Variants in MYL10 observed in about 807,000 individuals in gnomAD.
The protein encoded by MYL10 is myosin light chain 10, also known as myosin regulatory light chain 10.
In MYL10, 18 loss-of-function variants were observed where a neutral mutation model predicts 21.9. That is an observed-to-expected ratio of 0.82 (90% CI 0.57 to 1.22). MYL10 has a LOEUF of 1.22. Ranked by LOEUF, MYL10 falls within the 50% of genes most tolerant of loss-of-function variation. The pLI, the probability that MYL10 is intolerant of heterozygous loss-of-function variation, is 0.00. For missense variants in MYL10, 225 were observed against 230.4 expected, an observed-to-expected ratio of 0.98 and a Z score of 0.15; for synonymous variants, 88 against 82.8, an observed-to-expected ratio of 1.06 and a Z score of -0.34.
In MYL10 at chr7:101,615,600, C is replaced by CG. The variant is rs201968851; in HGVS notation, c.533+619_533+620insC. ...TCCCTCATCTAGAATGCTGTTCCCCCCCTAGCCTGGGCAACCTGCAGTCAT... is the reference window on the plus strand; with the variant it reads ...TCCCTCATCTAGAATGCTGTTCCCCCGCCTAGCCTGGGCAACCTGCAGTCAT... On this transcript the variant is annotated intron_variant, in intron 6 of 7. Transcript: ENST00000223167. Among the ~76,000 whole-genome samples the CG allele has an allele frequency of 2.7e-5, 4 of 147,248 alleles. No individual in the cohort carries two copies. In the South Asian group the frequency reaches 7.0e-4, roughly 26 times the overall value.
At chr7:101,615,871 T>C (rs554357252) in intron 6 of MYL10, among the ~76,000 whole-genome samples, 73 of 151,828 alleles carry the variant, frequency 4.8e-4, no homozygotes, top group Non-Finnish European at 6.6e-4. Flanking sequence ...ATTTTTTTTA[T>C]TATTTTCAGT....
chr7:101,616,386 G>T, intron 5 of MYL10, 88 bp from the exon 6 acceptor site: 1 of 1,046,932 alleles, frequency 9.6e-7, no homozygotes, highest in Non-Finnish European at 1.5e-6. Flanking sequence ...GGCTGGGGCT[G>T]GGGGCAAGTC....
In MYL10 at chr7:101,613,480, C is replaced by A. The variant is rs761923992; in HGVS notation, c.676G>T (p.Asp226Tyr). Residue 226 changes from aspartate to tyrosine, a missense_variant, in exon 8 of 8, where the codon GAT (aspartate) becomes TAT (tyrosine). Coordinates refer to ENST00000223167, the MANE Select transcript of MYL10 (RefSeq NM_138403.5). The part of the protein sequence containing the change: ...CYVITHGEEK[D>Y] Reference sequence around the variant, plus strand: ...TCGGGGAGACTTGTGATCCCCTAATCCTTCTCTTCACCGTGAGTGATGACG... The same window carrying A: ...TCGGGGAGACTTGTGATCCCCTAATACTTCTCTTCACCGTGAGTGATGACG... 1 of 1,613,870 alleles carries A rather than the reference C, an allele frequency of 6.2e-7. No homozygotes were observed. Among genetic ancestry groups the A allele is most frequent in the Non-Finnish European group, 8.5e-7 (1 of 1,179,728 alleles).
chr7:101,614,761 T>A (rs1584536022), intron 6 of MYL10, among the ~76,000 whole-genome samples: 1 of 152,290 alleles, frequency 6.6e-6, no homozygotes, highest in East Asian at 1.9e-4. Context: ...GTTGAGAATG[T>A]GTGAGACGGG....
intron 5 of MYL10, among the ~76,000 whole-genome samples, chr7:101,618,634 G>A (rs1023942792): frequency 9.9e-5 from 15 of 152,156 alleles, no homozygotes; most frequent in Admixed American, 6.5e-4. Context: ...TCCCATCATC[G>A]TTGGGAATCT....
chr7:101,627,137 C>CA (rs757508495), intron 1 of MYL10, among the ~76,000 whole-genome samples: 5,371 of 133,912 alleles, frequency 0.04, 175 homozygotes, highest in East Asian at 0.11. Flanking sequence ...ACCAAAAATA[C>CA]AAAAAAAAAA....
rs999875208 is a variant in MYL10 at position 101,617,887 on chromosome 7, G to A, written c.455-1589C>T. ...TTCTGTGCCTCTTCCATCAGACTGG[G>A]TCAGAGCCAAGTGTGCTTCCCCCCT... On this transcript the variant is annotated intron_variant, in intron 5 of 7. Transcript: ENST00000223167. 4.8e-5 allele frequency among the ~76,000 whole-genome samples: 7 copies of A among 146,644 alleles called. No homozygotes were observed. In the East Asian group the frequency reaches 7.4e-4, roughly 16 times the overall value.
At chr7:101,621,222 C>T (rs1157228304) in intron 5 of MYL10, among the ~76,000 whole-genome samples, 2 of 152,074 alleles carry the variant, frequency 1.3e-5, no homozygotes, top group East Asian at 1.9e-4. Context: ...GTGTCTCGGG[C>T]GGGTACAGTG....
Position 101,613,647 on chromosome 7 carries a change from A to G in MYL10, c.582+15T>C. 6.2e-7 allele frequency: 1 copy of G among 1,614,168 alleles called. No homozygotes were observed. The highest frequency in any genetic ancestry group is 8.5e-7 in the Non-Finnish European group (1 of 1,180,004). On this transcript the variant is annotated intron_variant, in intron 7 of 7. Coordinates refer to ENST00000223167, the MANE Select transcript of MYL10 (RefSeq NM_138403.5). ...AGCAGAGAATCCGCCGTGACCCACC[A>G]GAATCCCAGTTTACCTCCTCCTCAC...
chr7:101,620,416 T>C (rs998698278), intron 5 of MYL10, among the ~76,000 whole-genome samples: 1 of 151,740 alleles, frequency 6.6e-6, no homozygotes, highest in African/African-American at 2.4e-5. Context: ...ATGGGAGAGG[T>C]AGAGCCACCA....
chr7:101,623,296 G>C (rs959937115), intron 3 of MYL10, among the ~76,000 whole-genome samples: 14 of 152,188 alleles, frequency 9.2e-5, no homozygotes, highest in African/African-American at 3.4e-4. Flanking sequence ...TCTGGCCCGA[G>C]GTCACACAGC....
At chr7:101,627,924 T>C (rs10278534) in intron 1 of MYL10, among the ~76,000 whole-genome samples, 148,760 of 152,274 alleles carry the variant, frequency 0.98, 72,685 homozygotes, top group East Asian at 1. Context: ...CCTCTGGAGC[T>C]GTGGGACTCT....
intron 1 of MYL10, among the ~76,000 whole-genome samples, chr7:101,625,099 G>A (rs531047624): frequency 1.3e-4 from 20 of 152,304 alleles, no homozygotes; most frequent in African/African-American, 4.8e-4. Context: ...GGCTCAAAGT[G>A]GGGATCAGCC....
In MYL10 at chr7:101,624,079, C is replaced by T. The variant is rs576555096; in HGVS notation, c.172-58G>A. 45 of 765,722 alleles carry T rather than the reference C, an allele frequency of 5.9e-5. No homozygotes were observed. The African/African-American group carries it at 6.1e-4, about 10-fold the overall frequency. The allele number at this position is 765,722 out of a possible 1,614,324, so 47.4% of individuals were successfully genotyped here. The stretch of plus-strand genomic sequence containing the variant: ...AGTAATAATGACATCTTCAGCCCCT[C>T]GAGACTGAGGACTGAGCCTCTGCCC... On this transcript the variant is annotated intron_variant, in intron 2 of 7. Transcript: ENST00000223167.
chr7:101,623,523 T>C (rs1796705517), intron 3 of MYL10, among the ~76,000 whole-genome samples: 1 of 151,558 alleles, frequency 6.6e-6, no homozygotes, highest in Non-Finnish European at 1.5e-5. Context: ...AATGAGACCC[T>C]GTCTCTACAA....
intron 1 of MYL10, among the ~76,000 whole-genome samples, chr7:101,625,644 T>C (rs13236086): frequency 0.32 from 49,069 of 151,614 alleles, 8,249 homozygotes; most frequent in Middle Eastern, 0.39. Flanking sequence ...TATAATTAGC[T>C]TTTACTGGGT....
At chr7:101,626,651 GCTGCCCCA>G (rs1460455768) in intron 1 of MYL10, among the ~76,000 whole-genome samples, 1 of 152,100 alleles carries the variant, frequency 6.6e-6, no homozygotes, top group Non-Finnish European at 1.5e-5. Context: ...GAGGTGCCAC[GCTGCCCCA>G]AATACTGACC....
chr7:101,614,226 G>T (rs1796583103), intron 6 of MYL10, among the ~76,000 whole-genome samples: 1 of 152,194 alleles, frequency 6.6e-6, no homozygotes, highest in Admixed American at 6.5e-5. Flanking sequence ...GGTCCTGCAG[G>T]GTTCTTAAGG....
chr7:101,626,113 AG>A (rs756997145), intron 1 of MYL10, among the ~76,000 whole-genome samples: 1 of 152,202 alleles, frequency 6.6e-6, no homozygotes, highest in Admixed American at 6.5e-5. Context: ...TCAGGGAAGA[AG>A]GGGGGGTCAC....
Sources: gnomAD v4.1 joint callset for allele counts (sites outside exome capture counted in the v4.1 genomes callset) on GRCh38, gnomAD v4.1.1 for gene constraint, MANE v1.5 for transcripts, NCBI Gene and HGNC (gene_info 2026-07-23, HGNC 2026-07-21) for gene names.